Variants in ABCA13 observed in about 807,000 individuals in gnomAD.
ABCA13 encodes ATP binding cassette subfamily A member 13.
A neutral mutation model predicts 478.7 loss-of-function variants in ABCA13; 476 were observed. That is an observed-to-expected ratio of 0.99 (90% CI 0.92 to 1.07). ABCA13 has a LOEUF of 1.07. Among genes scored for constraint, ABCA13 ranks in the 50% least tolerant of loss-of-function variants. The probability of loss-of-function intolerance (pLI) is 0.00; values close to 1 mark genes in which losing one functional copy is unlikely to be tolerated. For synonymous variants in ABCA13, 2,252 were observed against 2,158.9 expected (o/e 1.04, Z -1.20); for missense variants, 6,060 against 5,910.6 (o/e 1.03, Z -0.83).
chr7:48,432,047 G>A (rs879883961), intron 42 of ABCA13, among the ~76,000 whole-genome samples: 14 of 152,064 alleles, frequency 9.2e-5, no homozygotes, highest in African/African-American at 1.2e-4. Context: ...AAACCTGCAC[G>A]TTGTGCACAT....
Position 48,483,076 on chromosome 7 carries a change from G to T in ABCA13, c.13095G>T (p.Arg4365Ser). The T allele has an allele frequency of 6.2e-7, 1 of 1,609,898 alleles. No individual in the cohort carries two copies. Among genetic ancestry groups the T allele is most frequent in the Non-Finnish European group, 8.5e-7 (1 of 1,178,030 alleles). ...EYLLAPSEKP[R>S]LGGWSFGLKI... ...CTAACACAATGTTCATTGTTAACAG[G>T]CTTGGAGGTTGGTCTTTTGGATTAA... The change falls in exon 47 of 62, where the codon AGG becomes AGT. Residue 4365 changes from arginine (R) to serine (S), a missense_variant and splice_region_variant. By Grantham distance (110) the Arg-to-Ser change is moderately radical (BLOSUM62 -1). Coordinates refer to ENST00000435803, the MANE Select transcript of ABCA13 (RefSeq NM_152701.5).
rs1799966537 is a variant in ABCA13 at position 48,300,257 on chromosome 7, C to G, written c.9321+1770C>G. Among the ~76,000 whole-genome samples the G allele has an allele frequency of 2.0e-5, 3 of 152,238 alleles. No homozygotes were observed. In the South Asian group the frequency reaches 6.2e-4, roughly 31 times the overall value. Reference sequence around the variant, plus strand: ...GGCTGTTGGTGGCATGCAGGGAATACTCTTCAGTGGTGCTAAAGCCCTGGC... The same window carrying G: ...GGCTGTTGGTGGCATGCAGGGAATAGTCTTCAGTGGTGCTAAAGCCCTGGC... On this transcript the variant is annotated intron_variant, in intron 23 of 61. Transcript: ENST00000435803.
At position 48,526,796 on chromosome 7, in the gene ABCA13, A is replaced by G. The variant is rs925127689; in HGVS notation, c.14245-1440A>G. ...TATGCAGTTCATCATTGCCTGAACT[A>G]TCATTGACTGTATATCCTTCTCCAT... is the stretch of plus-strand genomic sequence containing the variant. On this transcript the variant is annotated intron_variant, in intron 54 of 61. Coordinates refer to ENST00000435803, the MANE Select transcript of ABCA13 (RefSeq NM_152701.5). 3.9e-5 allele frequency among the ~76,000 whole-genome samples: 6 copies of G among 152,336 alleles called. No individual in the cohort carries two copies. In the East Asian group the frequency reaches 5.8e-4, roughly 15 times the overall value.
intron 59 of ABCA13, among the ~76,000 whole-genome samples, chr7:48,618,543 A>G (rs1292282116): frequency 1.3e-5 from 2 of 152,232 alleles, no homozygotes; most frequent in Admixed American, 1.3e-4. Flanking sequence ...GGGGCATGGC[A>G]CACAGGGTCC....
At chr7:48,468,163 A>G (rs1374648061) in intron 44 of ABCA13, among the ~76,000 whole-genome samples, 1 of 64,346 alleles carries the variant, frequency 1.6e-5, no homozygotes, top group Non-Finnish European at 3.4e-5. Flanking sequence ...TTCCAGAGGA[A>G]AAAAACAAAA....
chr7:48,352,462 C>T lies in ABCA13; in HGVS notation c.10663C>T (p.Pro3555Ser), dbSNP rs1809179514. ...LEPAAQTQAA[P>S]YPCHTSDLFL... ...ACCAGCAGCACAGACTCAGGCGGCC[C>T]CTTACCCCTGCCATACCAGCGACCT... The change falls in exon 31 of 62, where the codon CCT (proline) becomes TCT (serine). Residue 3555 changes from proline (P) to serine (S), a missense_variant. Pro to Ser is a moderately conservative substitution (Grantham distance 74). Coordinates refer to ENST00000435803, the MANE Select transcript of ABCA13 (RefSeq NM_152701.5). 6.2e-7 allele frequency: 1 copy of T among 1,608,768 alleles called. No individual in the cohort carries two copies. The highest frequency in any genetic ancestry group is 8.5e-7 in the Non-Finnish European group (1 of 1,176,776).
chr7:48,570,706 A>G (rs901966502), intron 55 of ABCA13, among the ~76,000 whole-genome samples: 3 of 152,182 alleles, frequency 2.0e-5, no homozygotes, highest in Non-Finnish European at 4.4e-5. Flanking sequence ...TAATTAAAAA[A>G]AAATCCAGTC....
intron 12 of ABCA13, 92 bp from the exon 13 acceptor site, chr7:48,245,771 A>G (rs984239723): frequency 1.4e-6 from 2 of 1,449,354 alleles, no homozygotes; most frequent in African/African-American, 2.8e-5. Flanking sequence ...AATGTTTATC[A>G]TTGCTTATTA....
chr7:48,411,894 C>T (rs6970040), intron 40 of ABCA13, among the ~76,000 whole-genome samples: 29,645 of 152,110 alleles, frequency 0.19, 3,277 homozygotes, highest in East Asian at 0.23. Flanking sequence ...TTCCTGTTTG[C>T]TTCCTCTCTC....
At chr7:48,239,481 C>G in intron 9 of ABCA13, 76 bp downstream of exon 9, 2 of 1,468,924 alleles carry the variant, frequency 1.4e-6, no homozygotes, top group South Asian at 3.0e-5. Flanking sequence ...CTCCCCTGCC[C>G]TGCCATGTTT....
intron 6 of ABCA13, 37 bp from the exon 7 acceptor site, chr7:48,229,788 C>T (rs781079950): frequency 7.4e-6 from 12 of 1,612,014 alleles, no homozygotes; most frequent in Non-Finnish European, 1.0e-5. Flanking sequence ...TTGCTAACTA[C>T]CCACTCATAT....
chr7:48,404,662 A>G (rs1315490361), intron 39 of ABCA13: 3 of 152,306 alleles, frequency 2.0e-5, no homozygotes, highest in Non-Finnish European at 4.4e-5. Flanking sequence ...GGAAGAAATA[A>G]AGGAAAAATA....
At chr7:48,213,576 T>G (rs1433364781) in intron 3 of ABCA13, among the ~76,000 whole-genome samples, 2 of 152,208 alleles carry the variant, frequency 1.3e-5, no homozygotes, top group African/African-American at 4.8e-5. Flanking sequence ...TGGCTATTTC[T>G]TTAAGTAAGA....
intron 45 of ABCA13, among the ~76,000 whole-genome samples, chr7:48,472,720 G>A (rs908146990): frequency 3.9e-5 from 6 of 152,002 alleles, no homozygotes; most frequent in African/African-American, 1.5e-4. Flanking sequence ...ATTTATATAG[G>A]GCTCAAAAAA....
chr7:48,502,395 TTAAGG>T, intron 48 of ABCA13, among the ~76,000 whole-genome samples: 1 of 152,344 alleles, frequency 6.6e-6, no homozygotes, highest in South Asian at 2.1e-4. Context: ...CTGTCATGGT[TTAAGG>T]TAAGAAAAGG....
intron 25 of ABCA13, among the ~76,000 whole-genome samples, chr7:48,313,557 C>G (rs768940378): frequency 2.8e-4 from 43 of 152,202 alleles, no homozygotes; most frequent in Non-Finnish European, 4.1e-4. Flanking sequence ...TAACTTAATT[C>G]AGAGAGCAAA....
chr7:48,180,260 A>G (rs1795481698), intron 1 of ABCA13, among the ~76,000 whole-genome samples: 2 of 152,180 alleles, frequency 1.3e-5, no homozygotes, highest in Non-Finnish European at 2.9e-5. Context: ...CTTGAACTCC[A>G]TGTCCACAGC....
chr7:48,537,555 A>G (rs989067746), intron 55 of ABCA13, among the ~76,000 whole-genome samples: 1 of 152,194 alleles, frequency 6.6e-6, no homozygotes, highest in African/African-American at 2.4e-5. Context: ...CTGCTGTGTC[A>G]TTCCCCTATT....
chr7:48,401,018 A>T (rs1303779390), intron 38 of ABCA13, among the ~76,000 whole-genome samples: 1 of 152,196 alleles, frequency 6.6e-6, no homozygotes, highest in Non-Finnish European at 1.5e-5. Context: ...TGTCACAGGG[A>T]CCCAGTGGAT....
Sources: allele counts gnomAD v4.1 joint callset (sites outside exome capture counted in the v4.1 genomes callset), GRCh38; gene constraint gnomAD v4.1.1; transcripts MANE v1.5; gene names NCBI Gene and HGNC (gene_info 2026-07-23, HGNC 2026-07-21).